Variants in MTMR3 observed in about 807,000 individuals in gnomAD.
MTMR3 encodes the protein phosphatidylinositol-3,5-bisphosphate 3-phosphatase MTMR3.
In MTMR3, 32 loss-of-function variants were observed where a neutral mutation model predicts 132.4. The observed-to-expected ratio is 0.24, with a 90% CI of 0.18 to 0.32. The LOEUF (loss-of-function observed/expected upper bound fraction) is 0.32, where lower values mean the gene tolerates loss of function less well. Among genes scored for constraint, MTMR3 ranks in the 10% least tolerant of loss-of-function variants. The pLI is 1.00. For synonymous variants in MTMR3, 556 were observed against 550.3 expected (o/e 1.01, Z -0.14); for missense variants, 1,216 against 1,489.6 (o/e 0.82, Z 3.02).
chr22:29,957,441 A>G (rs1197052546), intron 2 of MTMR3, among the ~76,000 whole-genome samples: 2 of 150,054 alleles, frequency 1.3e-5, no homozygotes, highest in Admixed American at 1.3e-4. Flanking sequence ...TTATTTATTT[A>G]TTTATTTATT....
Position 29,961,469 on chromosome 22 carries a change from C to T in MTMR3, c.-85+4381C>T, listed in dbSNP as rs141639555. On this transcript the variant is annotated intron_variant, in intron 2 of 19. Coordinates refer to ENST00000401950, the MANE Select transcript of MTMR3 (RefSeq NM_021090.4). ...CTGAAGAAACTACAGTATGGCTACCCCACCCCACCCATTTTGGGGGTAGAT... is the reference window on the plus strand; with the variant it reads ...CTGAAGAAACTACAGTATGGCTACCTCACCCCACCCATTTTGGGGGTAGAT... Among the ~76,000 whole-genome samples the T allele has an allele frequency of 4.5e-3, 679 of 152,136 alleles. 6 individuals carry two copies. The highest frequency in any genetic ancestry group is 0.015 in the African/African-American group (641 of 41,510).
chr22:29,996,933 C>T (rs1030633292), intron 7 of MTMR3: 2 of 152,036 alleles, frequency 1.3e-5, no homozygotes, highest in African/African-American at 4.8e-5. Flanking sequence ...ATGGGGTTGA[C>T]CAGATGTTGC....
chr22:29,926,372 A>G (rs2065517592), intron 1 of MTMR3, among the ~76,000 whole-genome samples: 1 of 152,204 alleles, frequency 6.6e-6, no homozygotes, highest in Non-Finnish European at 1.5e-5. Flanking sequence ...TTGTGGGGAC[A>G]CACGTTTTCA....
chr22:29,994,496 C>G (rs1256686980), intron 7 of MTMR3: 1 of 151,394 alleles, frequency 6.6e-6, no homozygotes, highest in Admixed American at 6.6e-5. Flanking sequence ...CATTACTCAT[C>G]AAATATTAGC....
intron 1 of MTMR3, among the ~76,000 whole-genome samples, chr22:29,893,987 A>C (rs1223114760): frequency 2.6e-5 from 4 of 152,126 alleles, no homozygotes; most frequent in Non-Finnish European, 5.9e-5. Flanking sequence ...CTGAGACTAC[A>C]GGCAGAAGCC....
intron 9 of MTMR3, chr22:30,005,004 A>G (rs1234551862): frequency 6.6e-6 from 1 of 152,256 alleles, no homozygotes; most frequent in Admixed American, 6.5e-5. Context: ...TTGCTCTAAC[A>G]TAGCAAGATG....
chr22:29,909,576 T>G (rs1034766650), intron 1 of MTMR3, among the ~76,000 whole-genome samples: 1 of 152,188 alleles, frequency 6.6e-6, no homozygotes, highest in Non-Finnish European at 1.5e-5. Flanking sequence ...TTGAGTAAGA[T>G]TAATGACTAA....
intron 2 of MTMR3, among the ~76,000 whole-genome samples, chr22:29,959,538 C>A (rs2066267203): frequency 6.6e-6 from 1 of 151,824 alleles, no homozygotes; most frequent in South Asian, 2.1e-4. Flanking sequence ...TCCACCACTC[C>A]TGGCTAATTT....
chr22:29,943,140 G>A lies in MTMR3; in HGVS notation c.-137-13896G>A, dbSNP rs189510282. ...TTATGTTCTGTCATGGCTTCAGCTG[G>A]TCCCTCCGTTCGGGGTCCCTGACTT... On this transcript the variant is annotated intron_variant, in intron 1 of 19. Transcript: ENST00000401950. Among the ~76,000 whole-genome samples, 13 of 152,202 alleles carry A rather than the reference G, an allele frequency of 8.5e-5. 1 individual carries two copies. In the East Asian group the frequency reaches 2.3e-3, roughly 27 times the overall value.
At chr22:29,927,023 G>A (rs988128316) in intron 1 of MTMR3, among the ~76,000 whole-genome samples, 4 of 152,284 alleles carry the variant, frequency 2.6e-5, no homozygotes, top group South Asian at 2.1e-4. Flanking sequence ...ATGGTGTGAG[G>A]TAGAGTTCTT....
chr22:29,972,445 C>G (rs2066553683), intron 3 of MTMR3, among the ~76,000 whole-genome samples: 1 of 152,140 alleles, frequency 6.6e-6, no homozygotes, highest in Admixed American at 6.6e-5. Context: ...TCTGTGTGTA[C>G]TAGTTGGGGA....
At chr22:29,915,064 A>G (rs2065282807) in intron 1 of MTMR3, among the ~76,000 whole-genome samples, 1 of 152,144 alleles carries the variant, frequency 6.6e-6, no homozygotes, top group African/African-American at 2.4e-5. Context: ...GGTAAGGCAT[A>G]TGGTCTATTG....
chr22:30,023,618 G>C, intron 19 of MTMR3: 1 of 1,074,894 alleles, frequency 9.3e-7, no homozygotes. Context: ...CAGATAGGTG[G>C]GCTTGAGGGG....
chr22:30,007,352 T>TA (rs756439952), intron 10 of MTMR3, 33 bp downstream of exon 10: 9 of 1,599,310 alleles, frequency 5.6e-6, no homozygotes, highest in Non-Finnish European at 7.7e-6. Flanking sequence ...GGCAATGATT[T>TA]TTATAGCATC....
intron 19 of MTMR3, chr22:30,023,273 T>C (rs935355249): frequency 8.9e-5 from 57 of 643,510 alleles, no homozygotes; most frequent in African/African-American, 8.5e-4. Context: ...TGTTCAGTGT[T>C]CTTAGAAGAG....
chr22:29,890,466 C>T (rs62228017), intron 1 of MTMR3, among the ~76,000 whole-genome samples: 4 of 151,776 alleles, frequency 2.6e-5, no homozygotes, highest in South Asian at 2.1e-4. Context: ...TGCAGTGAGC[C>T]GAGATTAAGC....
At chr22:29,981,354 G>A (rs913489747) in intron 5 of MTMR3, 1 of 152,194 alleles carries the variant, frequency 6.6e-6, no homozygotes, top group African/African-American at 2.4e-5. Context: ...TGGCTTAATT[G>A]TCTCTAAGGA....
At chr22:29,898,851 A>T (rs1471398342) in intron 1 of MTMR3, among the ~76,000 whole-genome samples, 1 of 149,110 alleles carries the variant, frequency 6.7e-6, no homozygotes, top group African/African-American at 2.5e-5. Flanking sequence ...ACATGATTTT[A>T]TTCTTTTTTA....
Position 29,949,143 on chromosome 22 carries a change from ACCCCCCCCC to A in MTMR3, c.-137-7884_-137-7876del, listed in dbSNP as rs1159749194. 6.3e-3 allele frequency among the ~76,000 whole-genome samples: 92 copies of A among 14,680 alleles called. 6 individuals are homozygous for A. The South Asian group carries it at 0.082, about 13-fold the overall frequency. 9.6% of individuals were successfully genotyped at this position (14,680 alleles called of 152,430 possible). Reference sequence around the variant, plus strand: ...CACACACACACACACACACACACACACCCCCCCCCCCCCCCCCGAGGCCCTGTCTTAAAA... The same window carrying A: ...CACACACACACACACACACACACACACCCCCCCCGAGGCCCTGTCTTAAAA... On this transcript the variant is annotated intron_variant, in intron 1 of 19. Transcript: ENST00000401950.
Sources: allele counts gnomAD v4.1 joint callset (sites outside exome capture counted in the v4.1 genomes callset), GRCh38; gene constraint gnomAD v4.1.1; transcripts MANE v1.5; gene names NCBI Gene and HGNC (gene_info 2026-07-23, HGNC 2026-07-21).